Variants in AGPS observed in about 807,000 individuals in gnomAD.
AGPS encodes the protein alkylglycerone phosphate synthase.
AGPS carries 26 observed loss-of-function variants against 90.7 expected under a neutral mutation model. The ratio of observed to expected loss-of-function variants is 0.29; its 90% CI spans 0.21 to 0.40. The LOEUF is 0.40. Ranked by LOEUF, AGPS falls within the 10% of genes least tolerant of loss-of-function variation. The pLI is 1.00. For synonymous variants in AGPS, 294 were observed against 285.3 expected, an observed-to-expected ratio of 1.03 and a Z score of -0.31; for missense variants, 540 against 816.1, an observed-to-expected ratio of 0.66 and a Z score of 4.12.
At chr2:177,493,483 T>G (rs758713118) in intron 12 of AGPS, among the ~76,000 whole-genome samples, 5 of 152,194 alleles carry the variant, frequency 3.3e-5, no homozygotes, top group Non-Finnish European at 7.3e-5. Flanking sequence ...ATAAGAGAGA[T>G]GCTTGAGCTA....
At chr2:177,518,279 C>CA (rs1307890075) in intron 17 of AGPS, among the ~76,000 whole-genome samples, 3 of 151,630 alleles carry the variant, frequency 2.0e-5, no homozygotes, top group Non-Finnish European at 4.4e-5. Context: ...ACTAAAAATA[C>CA]AAAAAAATTA....
intron 9 of AGPS, among the ~76,000 whole-genome samples, chr2:177,466,971 A>G (rs1036833626): frequency 2.0e-5 from 3 of 152,084 alleles, no homozygotes; most frequent in Non-Finnish European, 4.4e-5. Context: ...CCACAGCTGC[A>G]CTCAGGAATG....
At chr2:177,408,322 T>G (rs776708304) in intron 1 of AGPS, among the ~76,000 whole-genome samples, 2 of 152,226 alleles carry the variant, frequency 1.3e-5, no homozygotes, top group Non-Finnish European at 2.9e-5. Context: ...GGCCACACAT[T>G]GGAATTTGAA....
At chr2:177,453,510 T>C (rs1687014143) in intron 8 of AGPS, among the ~76,000 whole-genome samples, 1 of 151,668 alleles carries the variant, frequency 6.6e-6, no homozygotes, top group South Asian at 2.1e-4. Context: ...ACCTCTGATG[T>C]TCCACTGCCT....
chr2:177,420,281 G>A lies in AGPS; in HGVS notation c.273G>A (p.Met91Ile). 1 of 1,607,082 alleles carries A rather than the reference G, an allele frequency of 6.2e-7. No individual in the cohort carries two copies. Among genetic ancestry groups the A allele is most frequent in the East Asian group, 2.2e-5 (1 of 44,662 alleles). The change falls in exon 2 of 20, where the codon ATG (methionine) becomes ATA (isoleucine). Residue 91 changes from methionine (M) to isoleucine (I), a missense_variant. Coordinates refer to ENST00000264167, the MANE Select transcript of AGPS (RefSeq NM_003659.4). ...GTIPKKRQEVMKWNGWGYNDS... is the reference protein window; with the variant it reads ...GTIPKKRQEVIKWNGWGYNDS... Reference sequence around the variant, plus strand: ...TTCTTCTCACTAGGCAAGAAGTTATGAAATGGAATGGATGGGGATATAATG... The same window carrying A: ...TTCTTCTCACTAGGCAAGAAGTTATAAAATGGAATGGATGGGGATATAATG...
intron 9 of AGPS, among the ~76,000 whole-genome samples, chr2:177,463,900 T>C (rs532561674): frequency 6.6e-6 from 1 of 152,360 alleles, no homozygotes; most frequent in East Asian, 1.9e-4. Flanking sequence ...AGTGTAATTA[T>C]TTGCATTAAT....
At chr2:177,425,241 G>A (rs1574356691) in intron 2 of AGPS, among the ~76,000 whole-genome samples, 1 of 152,040 alleles carries the variant, frequency 6.6e-6, no homozygotes, top group African/African-American at 2.4e-5. Flanking sequence ...TCCATCTTGA[G>A]TTAATTTTTG....
At chr2:177,501,237 C>T (rs1265736390) in intron 14 of AGPS, among the ~76,000 whole-genome samples, 4 of 152,074 alleles carry the variant, frequency 2.6e-5, no homozygotes, top group African/African-American at 9.7e-5. Flanking sequence ...AGTTTCACCT[C>T]AGTCGTCTCT....
rs756231343 is a variant in AGPS, at chr2:177,540,817, G to T, written c.*2622G>T. 1 of 151,972 alleles carries T rather than the reference G, an allele frequency of 6.6e-6. No individual in the cohort carries two copies. The highest frequency in any genetic ancestry group is 1.9e-4 in the East Asian group (1 of 5,198). 9.4% of individuals were successfully genotyped at this position (151,972 alleles called of 1,614,324 possible). ...GTTTCAGTGGGAATAGTAACTTGCC[G>T]CTAGTGAGAAATGGCATTGAATACT... On this transcript the variant is annotated 3_prime_UTR_variant, in exon 20 of 20. Transcript: ENST00000264167.
intron 14 of AGPS, among the ~76,000 whole-genome samples, chr2:177,505,293 C>T (rs1048309842): frequency 3.3e-5 from 5 of 151,884 alleles, no homozygotes; most frequent in Admixed American, 2.0e-4. Flanking sequence ...TTAATTCTTT[C>T]TGTGCTTTTT....
At chr2:177,431,434 C>T (rs541443162) in intron 2 of AGPS, among the ~76,000 whole-genome samples, 3 of 152,200 alleles carry the variant, frequency 2.0e-5, no homozygotes, top group East Asian at 3.9e-4. Context: ...AAACAGGGTT[C>T]GAGAGCAGAG....
chr2:177,516,412 A>T (rs975603348), intron 17 of AGPS, among the ~76,000 whole-genome samples: 9 of 152,172 alleles, frequency 5.9e-5, no homozygotes, highest in African/African-American at 1.9e-4. Flanking sequence ...AGAATAATGT[A>T]GTGACTTTGA....
At chr2:177,457,241 T>C (rs1006652244) in intron 8 of AGPS, among the ~76,000 whole-genome samples, 4 of 151,992 alleles carry the variant, frequency 2.6e-5, no homozygotes, top group African/African-American at 9.7e-5. Flanking sequence ...GAGAAAGCAG[T>C]GAGGATCTAA....
At chr2:177,517,595 T>A (rs1487458026) in intron 17 of AGPS, among the ~76,000 whole-genome samples, 2 of 152,156 alleles carry the variant, frequency 1.3e-5, no homozygotes, top group African/African-American at 2.4e-5. Context: ...TAAAAAAGAA[T>A]CCCTCTTGAT....
chr2:177,412,773 T>G (rs1685655810), intron 1 of AGPS, among the ~76,000 whole-genome samples: 1 of 152,112 alleles, frequency 6.6e-6, no homozygotes, highest in African/African-American at 2.4e-5. Flanking sequence ...AATGGAATCT[T>G]GGGCCATGTG....
At chr2:177,411,480 CA>C (rs1347252653) in intron 1 of AGPS, among the ~76,000 whole-genome samples, 6 of 152,206 alleles carry the variant, frequency 3.9e-5, no homozygotes, top group African/African-American at 1.4e-4. Flanking sequence ...TGAGGGTCTA[CA>C]CTGGGAACTG....
At chr2:177,480,863 CTTT>C (rs1321392381) in intron 10 of AGPS, among the ~76,000 whole-genome samples, 3 of 151,862 alleles carry the variant, frequency 2.0e-5, no homozygotes, top group African/African-American at 7.2e-5. Context: ...CGTTTAGTCA[CTTT>C]TGTTATCTTT....
At chr2:177,459,801 A>C (rs901021074) in intron 8 of AGPS, among the ~76,000 whole-genome samples, 1 of 152,218 alleles carries the variant, frequency 6.6e-6, no homozygotes, top group Admixed American at 6.5e-5. Flanking sequence ...TTGACCCAGC[A>C]ATCCCATTAC....
intron 11 of AGPS, among the ~76,000 whole-genome samples, chr2:177,490,846 CTTTTTTTTTTT>C (rs61555724): frequency 1.0e-4 from 6 of 58,200 alleles, no homozygotes; most frequent in Non-Finnish European, 1.2e-4. Flanking sequence ...AAGTTGCAGA[CTTTTTTTTTTT>C]TTTTTTTTTT....
Sources: allele counts gnomAD v4.1 joint callset (sites outside exome capture counted in the v4.1 genomes callset), GRCh38; gene constraint gnomAD v4.1.1; transcripts MANE v1.5; gene names NCBI Gene and HGNC (gene_info 2026-07-23, HGNC 2026-07-21).